SPAG9: variants seen among roughly 807,000 people sequenced by gnomAD.
The protein encoded by SPAG9 is C-Jun-amino-terminal kinase-interacting protein 4.
SPAG9 carries 35 observed loss-of-function variants against 166.5 expected under a neutral mutation model. That is an observed-to-expected ratio of 0.21 (90% confidence interval 0.16 to 0.28). The LOEUF is 0.28. SPAG9 is among the 10% of genes least tolerant of loss of function. SPAG9 has a pLI of 1.00. For missense variants in SPAG9, 1,235 were observed against 1,603.3 expected (o/e 0.77, Z 3.92); for synonymous variants, 534 against 565.5 (o/e 0.94, Z 0.79).
chr17:51,081,514 C>A (rs1440211071), intron 1 of SPAG9, among the ~76,000 whole-genome samples: 1 of 151,938 alleles, frequency 6.6e-6, no homozygotes, highest in South Asian at 2.1e-4. Context: ...GAGGCTGAGG[C>A]GAGCAGATCA....
At position 50,979,877 on chromosome 17, in the gene SPAG9, C is replaced by T. The variant is rs2143696460; in HGVS notation, c.3278G>A (p.Arg1093Gln). Residue 1093 changes from arginine to glutamine, a missense_variant, in exon 26 of 30, where the codon CGA (arginine) becomes CAA (glutamine). Transcript: ENST00000262013. Reference protein sequence around the residue: ...DAHPRKESQVRQLAWVGDGVW... With the variant: ...DAHPRKESQVQQLAWVGDGVW... Reference sequence around the variant, plus strand: ...GCCATCCCCCACCCACGCAAGCTGTCGCACTTGGCTCTCCTTCCTGGGATG... The same window carrying T: ...GCCATCCCCCACCCACGCAAGCTGTTGCACTTGGCTCTCCTTCCTGGGATG... 4 of 1,614,162 alleles carry T rather than the reference C, an allele frequency of 2.5e-6. No homozygotes were observed. The highest frequency in any genetic ancestry group is 2.5e-6 in the Non-Finnish European group (3 of 1,179,996).
intron 5 of SPAG9, among the ~76,000 whole-genome samples, chr17:51,037,685 A>ATATATATATATATATATATATATAGTGT: frequency 2.4e-5 from 2 of 83,488 alleles, no homozygotes; most frequent in African/African-American, 7.8e-5. Context: ...ATATATATAT[A>ATATATATATATATATATATATATAGTGT]GTGTGTGTGT....
In SPAG9 at chr17:51,056,954, T is replaced by C. The variant is rs372436557; in HGVS notation, c.425-472A>G. Among the ~76,000 whole-genome samples the C allele has an allele frequency of 3.9e-5, 6 of 152,262 alleles. No individual in the cohort carries two copies. In the East Asian group the frequency reaches 7.7e-4, roughly 20 times the overall value. On this transcript the variant is annotated intron_variant, in intron 2 of 29. Coordinates refer to ENST00000262013, the MANE Select transcript of SPAG9 (RefSeq NM_001130528.3). ...TATTTAGCTCCCTCTGCTGATGGGT[T>C]TTGTGAGTGGCACTGACTTGAGGTA...
intron 10 of SPAG9, 41 bp from the exon 11 acceptor site, chr17:51,006,278 ATT>A (rs757327233): frequency 1.3e-6 from 2 of 1,585,666 alleles, no homozygotes; most frequent in South Asian, 1.1e-5. Flanking sequence ...ACAAATAAAT[ATT>A]CTTTCCATCT....
At position 51,038,769 on chromosome 17, in the gene SPAG9, A is replaced by T. The variant is rs575771854; in HGVS notation, c.741+2732T>A. Among the ~76,000 whole-genome samples the T allele has an allele frequency of 2.1e-4, 32 of 152,282 alleles. 1 individual carries two copies. In the South Asian group the frequency reaches 5.8e-3, roughly 28 times the overall value. ...CTCTCATACCCTAAAATGAGTACCC[A>T]TCCTTACTAATTACTCTTTAGCTTA... On this transcript the variant is annotated intron_variant, in intron 5 of 29. Transcript: ENST00000262013.
At chr17:51,019,806 C>A (rs745800673) in intron 8 of SPAG9, among the ~76,000 whole-genome samples, 63 of 149,928 alleles carry the variant, frequency 4.2e-4, no homozygotes, top group Non-Finnish European at 8.3e-4. Flanking sequence ...GAGCCGAGAT[C>A]GCACCATTGC....
intron 5 of SPAG9, among the ~76,000 whole-genome samples, chr17:51,037,992 CCT>C (rs1259740017): frequency 6.6e-6 from 1 of 152,106 alleles, no homozygotes; most frequent in Non-Finnish European, 1.5e-5. Context: ...ATACAAAACT[CCT>C]CTGCTTTCTT....
intron 3 of SPAG9, among the ~76,000 whole-genome samples, chr17:51,051,170 C>T (rs2047173026): frequency 6.6e-6 from 1 of 152,060 alleles, no homozygotes; most frequent in Admixed American, 6.5e-5. Context: ...AGTGCAGTGG[C>T]ACAATCTCAG....
At chr17:51,119,756 AT>A (rs1568105922) in intron 1 of SPAG9, among the ~76,000 whole-genome samples, 2 of 152,190 alleles carry the variant, frequency 1.3e-5, no homozygotes, top group Non-Finnish European at 2.9e-5. Flanking sequence ...AATTGTTTAT[AT>A]ATTTATTGAG....
intron 1 of SPAG9, among the ~76,000 whole-genome samples, chr17:51,089,660 A>ATATATATG (rs1555658088): frequency 3.2e-4 from 34 of 105,280 alleles, no homozygotes; most frequent in Non-Finnish European, 5.5e-4. Flanking sequence ...ATATATATAT[A>ATATATATG]TATACACATA....
intron 1 of SPAG9, among the ~76,000 whole-genome samples, chr17:51,094,046 G>C (rs1156304115): frequency 4.6e-5 from 7 of 152,108 alleles, no homozygotes; most frequent in Admixed American, 4.6e-4. Context: ...CCTCCTTCCT[G>C]CCTTCATCCA....
At chr17:50,969,799 A>AGT (rs1204792413) in intron 29 of SPAG9, among the ~76,000 whole-genome samples, 1 of 152,116 alleles carries the variant, frequency 6.6e-6, no homozygotes, top group African/African-American at 2.4e-5. Context: ...AAGACTATGC[A>AGT]GTGCTGAGTC....
intron 2 of SPAG9, among the ~76,000 whole-genome samples, chr17:51,060,578 C>T (rs2047482880): frequency 6.6e-6 from 1 of 150,722 alleles, no homozygotes; most frequent in Non-Finnish European, 1.5e-5. Context: ...AAGGTGGGGC[C>T]CTGATCCAAC....
intron 4 of SPAG9, among the ~76,000 whole-genome samples, chr17:51,043,320 A>G (rs1207611387): frequency 2.0e-5 from 3 of 152,198 alleles, no homozygotes; most frequent in Non-Finnish European, 4.4e-5. Flanking sequence ...GTTCAGCAAC[A>G]AAGTTTTTAT....
At chr17:51,039,093 T>C (rs2046731565) in intron 5 of SPAG9, among the ~76,000 whole-genome samples, 1 of 152,216 alleles carries the variant, frequency 6.6e-6, no homozygotes, top group South Asian at 2.1e-4. Context: ...TGTCGTTCTC[T>C]CACAGGAAAT....
intron 10 of SPAG9, 25 bp downstream of exon 10, chr17:51,007,242 TTC>T: frequency 7.5e-7 from 1 of 1,325,124 alleles, no homozygotes; most frequent in South Asian, 1.3e-5. Context: ...ATTCTTTATC[TTC>T]TGTTAAAATT....
In SPAG9 at chr17:50,996,918, T is replaced by C. The variant is rs188093854; in HGVS notation, c.1839-224A>G. 1.7e-3 allele frequency among the ~76,000 whole-genome samples: 266 copies of C among 152,304 alleles called. 1 individual carries two copies. The highest frequency in any genetic ancestry group is 5.9e-3 in the African/African-American group (244 of 41,572). On this transcript the variant is annotated intron_variant, in intron 15 of 29. Transcript: ENST00000262013. Reference sequence around the variant, plus strand: ...ACTTTGGGAGGCCGAGGAGGGCAGATAGCCTGAGGTCAGGAGTTCGAGAGC... The same window carrying C: ...ACTTTGGGAGGCCGAGGAGGGCAGACAGCCTGAGGTCAGGAGTTCGAGAGC...
intron 15 of SPAG9, among the ~76,000 whole-genome samples, chr17:50,996,921 C>T (rs1055070243): frequency 3.3e-5 from 5 of 152,320 alleles, no homozygotes; most frequent in African/African-American, 9.6e-5. Flanking sequence ...GGGCAGATAG[C>T]CTGAGGTCAG....
At chr17:51,000,246 A>G (rs1266868909) in intron 13 of SPAG9, among the ~76,000 whole-genome samples, 2 of 152,244 alleles carry the variant, frequency 1.3e-5, no homozygotes, top group Non-Finnish European at 2.9e-5. Flanking sequence ...AAATTTCAGA[A>G]AATAAGATAT....
Sources: allele counts gnomAD v4.1 joint callset (sites outside exome capture counted in the v4.1 genomes callset), GRCh38; gene constraint gnomAD v4.1.1; transcripts MANE v1.5; gene names NCBI Gene and HGNC (gene_info 2026-07-23, HGNC 2026-07-21).